The following ITGA8 variants were observed in gnomAD, a reference collection of about 807,000 sequenced individuals.
ITGA8 encodes integrin subunit alpha 8.
In ITGA8, 91 loss-of-function variants were observed where a neutral mutation model predicts 142.3. The ratio of observed to expected loss-of-function variants is 0.64; its 90% CI spans 0.54 to 0.76. The LOEUF (loss-of-function observed/expected upper bound fraction) is 0.76, where lower values mean the gene tolerates loss of function less well. Ranked by LOEUF, ITGA8 falls within the 30% of genes least tolerant of loss-of-function variation. The pLI, the probability that ITGA8 is intolerant of heterozygous loss-of-function variation, is 0.00. For synonymous variants in ITGA8, 505 were observed against 485.2 expected (o/e 1.04, Z -0.54); for missense variants, 1,406 against 1,327.7 (o/e 1.06, Z -0.92).
chr10:15,666,356 G>A (rs1180346714), intron 8 of ITGA8, among the ~76,000 whole-genome samples: 4 of 152,134 alleles, frequency 2.6e-5, no homozygotes, highest in Non-Finnish European at 5.9e-5. Flanking sequence ...TGTGATTTTT[G>A]TACATTGATT....
intron 27 of ITGA8, among the ~76,000 whole-genome samples, chr10:15,540,354 C>A (rs1246412520): frequency 6.6e-6 from 1 of 152,066 alleles, no homozygotes; most frequent in Non-Finnish European, 1.5e-5. Context: ...TGAGATCCAC[C>A]CTTTTAGCTC....
intron 10 of ITGA8, among the ~76,000 whole-genome samples, chr10:15,656,823 C>T (rs770830923): frequency 7.9e-5 from 12 of 152,172 alleles, no homozygotes; most frequent in Admixed American, 3.3e-4. Flanking sequence ...TAGCTTCCAT[C>T]GTGTCCTCAT....
At chr10:15,564,956 T>C (rs1481105089) in intron 25 of ITGA8, among the ~76,000 whole-genome samples, 1 of 152,006 alleles carries the variant, frequency 6.6e-6, no homozygotes, top group Non-Finnish European at 1.5e-5. Flanking sequence ...ACCCCCACTT[T>C]TTTAACCTCC....
intron 26 of ITGA8, among the ~76,000 whole-genome samples, chr10:15,553,629 C>T (rs898125928): frequency 9.2e-5 from 14 of 152,142 alleles, no homozygotes; most frequent in South Asian, 2.1e-4. Flanking sequence ...ACTTCTGCAT[C>T]GATGAGACAC....
At chr10:15,561,388 TATG>T (rs1398312444) in intron 25 of ITGA8, among the ~76,000 whole-genome samples, 1 of 151,942 alleles carries the variant, frequency 6.6e-6, no homozygotes, top group Non-Finnish European at 1.5e-5. Flanking sequence ...GATATATTCT[TATG>T]ATAGCATTTA....
rs190362060 is a variant in ITGA8, at chr10:15,635,658, T to G, written c.1399+8372A>C. On this transcript the variant is annotated intron_variant, in intron 13 of 29. Transcript: ENST00000378076. Reference sequence around the variant, plus strand: ...TGCATGAGATATTTTTACCCAAAATTTAATATTCTAATTTCTAATGTGTTT... The same window carrying G: ...TGCATGAGATATTTTTACCCAAAATGTAATATTCTAATTTCTAATGTGTTT... Among the ~76,000 whole-genome samples, 584 of 152,314 alleles carry G rather than the reference T, an allele frequency of 3.8e-3. 3 individuals are homozygous for G. The highest frequency in any genetic ancestry group is 6.3e-3 in the Non-Finnish European group (427 of 68,042).
intron 12 of ITGA8, among the ~76,000 whole-genome samples, chr10:15,644,909 C>A (rs577061239): frequency 6.6e-6 from 1 of 151,336 alleles, no homozygotes; most frequent in Non-Finnish European, 1.5e-5. Context: ...CTGGCTAACA[C>A]AGTAAAACCC....
intron 3 of ITGA8, among the ~76,000 whole-genome samples, chr10:15,687,511 A>G (rs992706237): frequency 4.2e-4 from 64 of 152,326 alleles, no homozygotes; most frequent in African/African-American, 1.4e-3. Flanking sequence ...CCGTTTAAAA[A>G]TTATTATGAA....
intron 28 of ITGA8, among the ~76,000 whole-genome samples, chr10:15,521,618 T>C (rs1416660276): frequency 1.3e-5 from 2 of 152,184 alleles, no homozygotes; most frequent in East Asian, 3.9e-4. Context: ...TACATTTTCT[T>C]CCTATGCCTG....
intron 11 of ITGA8, among the ~76,000 whole-genome samples, chr10:15,654,159 A>T (rs1834141219): frequency 6.6e-6 from 1 of 152,102 alleles, no homozygotes; most frequent in African/African-American, 2.4e-5. Context: ...TCATGGCCTG[A>T]TAGCTCATTT....
intron 1 of ITGA8, 125 bp downstream of exon 1, chr10:15,719,438 G>T: frequency 5.0e-6 from 4 of 795,352 alleles, no homozygotes; most frequent in Non-Finnish European, 7.5e-6. Context: ...GGAGAGGGAC[G>T]GGACCCCGGG....
chr10:15,552,985 G>A (rs754958256), intron 26 of ITGA8, among the ~76,000 whole-genome samples: 45 of 152,126 alleles, frequency 3.0e-4, no homozygotes, highest in Non-Finnish European at 5.9e-4. Context: ...GGCTGGGTGC[G>A]GTGGCTCACA....
At chr10:15,528,619 C>T (rs578032776) in intron 28 of ITGA8, among the ~76,000 whole-genome samples, 1 of 150,578 alleles carries the variant, frequency 6.6e-6, no homozygotes, top group Non-Finnish European at 1.5e-5. Context: ...CAGGCTGTCA[C>T]CTGTGGCCAG....
At chr10:15,663,724 C>A (rs1834333528) in intron 8 of ITGA8, among the ~76,000 whole-genome samples, 1 of 152,046 alleles carries the variant, frequency 6.6e-6, no homozygotes, top group Non-Finnish European at 1.5e-5. Context: ...CAGGTGCATG[C>A]CACCATGCCC....
At chr10:15,706,622 T>C (rs897932999) in intron 2 of ITGA8, among the ~76,000 whole-genome samples, 1 of 152,084 alleles carries the variant, frequency 6.6e-6, no homozygotes, top group Non-Finnish European at 1.5e-5. Flanking sequence ...AACTTTTTTG[T>C]AGAGATAGGA....
At chr10:15,607,577 TG>T in intron 17 of ITGA8, 99 bp downstream of exon 17, 1 of 1,095,502 alleles carries the variant, frequency 9.1e-7, no homozygotes, top group Non-Finnish European at 1.4e-6. Context: ...AACAGACAGA[TG>T]GGGGTCTATG....
intron 26 of ITGA8, among the ~76,000 whole-genome samples, chr10:15,556,904 G>A (rs570233526): frequency 6.6e-6 from 1 of 152,328 alleles, no homozygotes; most frequent in African/African-American, 2.4e-5. Context: ...GATTACTTCT[G>A]CATAGCTGGA....
chr10:15,712,807 T>C (rs1835386376), intron 2 of ITGA8, among the ~76,000 whole-genome samples: 1 of 152,114 alleles, frequency 6.6e-6, no homozygotes, highest in Non-Finnish European at 1.5e-5. Context: ...TAAAAGTGTG[T>C]TTTTCCTTTC....
intron 25 of ITGA8, among the ~76,000 whole-genome samples, chr10:15,561,596 C>G (rs933395906): frequency 6.6e-6 from 1 of 152,024 alleles, no homozygotes; most frequent in African/African-American, 2.4e-5. Context: ...AGAAATTTAA[C>G]AAAGTTTATA....
Sources: gnomAD v4.1 joint callset for allele counts (sites outside exome capture counted in the v4.1 genomes callset) on GRCh38, gnomAD v4.1.1 for gene constraint, MANE v1.5 for transcripts, NCBI Gene and HGNC (gene_info 2026-07-23, HGNC 2026-07-21) for gene names.